The following TMEM169 variants were observed in gnomAD, a reference collection of about 807,000 sequenced individuals.
TMEM169 encodes transmembrane protein 169.
Under a neutral mutation model 27.3 loss-of-function variants are expected in TMEM169, and 18 were observed. The ratio of observed to expected loss-of-function variants is 0.66; its 90% CI spans 0.46 to 0.98. The LOEUF is 0.98. Ranked by LOEUF, TMEM169 falls within the 50% of genes least tolerant of loss-of-function variation. TMEM169 has a pLI of 0.00. For synonymous variants in TMEM169, 136 were observed against 142.1 expected, an observed-to-expected ratio of 0.96 and a Z score of 0.30; for missense variants, 320 against 368.6, an observed-to-expected ratio of 0.87 and a Z score of 1.08.
intron 1 of TMEM169, among the ~76,000 whole-genome samples, chr2:216,086,726 A>G (rs908504637): frequency 6.6e-6 from 1 of 152,164 alleles, no homozygotes; most frequent in African/African-American, 2.4e-5. Context: ...GGGTTTTCCC[A>G]TTGGTGGTTA....
In TMEM169 at chr2:216,101,242, T is replaced by C. The variant is rs1696388391; in HGVS notation, c.*700T>C. 6.5e-6 allele frequency: 1 copy of C among 153,500 alleles called. No individual in the cohort carries two copies. The highest frequency in any genetic ancestry group is 1.4e-5 in the Non-Finnish European group (1 of 68,984). The allele number at this position is 153,500 out of a possible 1,614,324, so 9.5% of individuals were successfully genotyped here. A position where few individuals can be genotyped will look rare whatever the true frequency, so the allele number is the denominator to read the frequency against. Reference sequence around the variant, plus strand: ...TCTTCAGCCATCACATCCATGTTTCTGATAAAATAGAGGAAAGGGCAGAGA... The same window carrying C: ...TCTTCAGCCATCACATCCATGTTTCCGATAAAATAGAGGAAAGGGCAGAGA... On this transcript the variant is annotated 3_prime_UTR_variant, in exon 3 of 3. Coordinates refer to ENST00000437356, the MANE Select transcript of TMEM169 (RefSeq NM_001142311.2).
chr2:216,098,094 T>C (rs75448123), intron 2 of TMEM169, among the ~76,000 whole-genome samples: 4,555 of 152,044 alleles, frequency 0.03, 103 homozygotes, highest in Non-Finnish European at 0.041. Flanking sequence ...GGCTGGATCA[T>C]GGTGGCCCTT....
Position 216,099,878 on chromosome 2 carries a change from C to A in TMEM169, c.272-42C>A. 1 of 1,571,102 alleles carries A rather than the reference C, an allele frequency of 6.4e-7. No individual in the cohort carries two copies. Among genetic ancestry groups the A allele is most frequent in the South Asian group, 1.2e-5 (1 of 82,172 alleles). On this transcript the variant is annotated intron_variant, in intron 2 of 2. Coordinates refer to ENST00000437356, the MANE Select transcript of TMEM169 (RefSeq NM_001142311.2). This position sits in a 1 kb window ranked among gnomAD's most constrained non-coding sequence, Gnocchi z 5.0. ...GGGTGCAACATGGAGATGCAATGCCCACTCTTCTGATCTTGACTCTCACCT... is the reference window on the plus strand; with the variant it reads ...GGGTGCAACATGGAGATGCAATGCCAACTCTTCTGATCTTGACTCTCACCT...
chr2:216,096,374 AT>A, intron 2 of TMEM169, 140 bp downstream of exon 2: 1 of 1,071,758 alleles, frequency 9.3e-7, no homozygotes, highest in Non-Finnish European at 1.3e-6. Context: ...CCTTTTATTT[AT>A]TTATTTTGAG....
chr2:216,086,246 G>C (rs1191436255), intron 1 of TMEM169, among the ~76,000 whole-genome samples: 1 of 152,036 alleles, frequency 6.6e-6, no homozygotes, highest in Non-Finnish European at 1.5e-5. Context: ...TGTATTTTTA[G>C]TAGAGGGGGT....
intron 1 of TMEM169, among the ~76,000 whole-genome samples, chr2:216,084,915 A>C (rs933472926): frequency 6.6e-6 from 1 of 152,222 alleles, no homozygotes; most frequent in African/African-American, 2.4e-5. Context: ...CTTAGGCCAC[A>C]TGGACTTCCA....
intron 1 of TMEM169, among the ~76,000 whole-genome samples, chr2:216,090,639 C>CA (rs1344341929): frequency 3.9e-5 from 6 of 152,066 alleles, no homozygotes; most frequent in African/African-American, 7.2e-5. Context: ...ACCATAAAAA[C>CA]AAAAAAACAC....
At chr2:216,086,245 A>G (rs1370438113) in intron 1 of TMEM169, among the ~76,000 whole-genome samples, 1 of 151,952 alleles carries the variant, frequency 6.6e-6, no homozygotes, top group African/African-American at 2.4e-5. Flanking sequence ...TTGTATTTTT[A>G]GTAGAGGGGG....
In TMEM169 at chr2:216,099,773, G is replaced by A. The variant is rs1178135043; in HGVS notation, c.272-147G>A. On this transcript the variant is annotated intron_variant, in intron 2 of 2. Transcript: ENST00000437356. This position sits in a 1 kb window ranked among gnomAD's most constrained non-coding sequence, Gnocchi z 5.0. ...CACTCTCCCGAGGGAGACCCACTCA[G>A]TCCGCCATTGAATCACTGACTCAGG... 1 of 1,091,296 alleles carries A rather than the reference G, an allele frequency of 9.2e-7. No individual in the cohort carries two copies. The highest frequency in any genetic ancestry group is 1.3e-6 in the Non-Finnish European group (1 of 760,068). 67.6% of individuals were successfully genotyped at this position (1,091,296 alleles called of 1,614,324 possible).
At position 216,096,168 on chromosome 2, in the gene TMEM169, T is replaced by A; in HGVS notation, c.205T>A (p.Ser69Thr). Residue 69 changes from serine to threonine, a missense_variant, in exon 2 of 3, where the codon TCA (serine) becomes ACA (threonine). Coordinates refer to ENST00000437356, the MANE Select transcript of TMEM169 (RefSeq NM_001142311.2). ...GAAAACAGATGAGGAGCCCGGAGAA[T>A]CAGAAGGTGGAGATCAGCCTAAAGA... ...NEKTDEEPGESEGGDQPKEEE... is the reference protein window; with the variant it reads ...NEKTDEEPGETEGGDQPKEEE... 6.2e-7 allele frequency: 1 copy of A among 1,614,066 alleles called. No homozygotes were observed. The highest frequency in any genetic ancestry group is 8.5e-7 in the Non-Finnish European group (1 of 1,180,008).
At chr2:216,098,821 G>GGT (rs942038447) in intron 2 of TMEM169, among the ~76,000 whole-genome samples, 1 of 151,028 alleles carries the variant, frequency 6.6e-6, no homozygotes, top group African/African-American at 2.4e-5. Flanking sequence ...TGTAATGTGT[G>GGT]GTGTGTGTGT....
chr2:216,098,921 G>A (rs1696322891), intron 2 of TMEM169, among the ~76,000 whole-genome samples: 1 of 151,710 alleles, frequency 6.6e-6, no homozygotes, highest in African/African-American at 2.4e-5. Context: ...TGGTATGTAT[G>A]GGTATGTGGT....
chr2:216,098,000 A>G (rs1395141988), intron 2 of TMEM169, among the ~76,000 whole-genome samples: 1 of 152,140 alleles, frequency 6.6e-6, no homozygotes, highest in Non-Finnish European at 1.5e-5. Context: ...GCTTTGGCCC[A>G]TTTATGGAAA....
Position 216,100,716 on chromosome 2 carries a change from A to C in TMEM169, c.*174A>C. ...GTTCCAGGAGGGCATGGAGCAGACA[A>C]GCAATTGTGCCAAAGCAGTTCACCC... On this transcript the variant is annotated 3_prime_UTR_variant, in exon 3 of 3. Coordinates refer to ENST00000437356, the MANE Select transcript of TMEM169 (RefSeq NM_001142311.2). 1 of 839,854 alleles carries C rather than the reference A, an allele frequency of 1.2e-6. No homozygotes were observed. The highest frequency in any genetic ancestry group is 1.8e-6 in the Non-Finnish European group (1 of 551,990). 52.0% of individuals were successfully genotyped at this position (839,854 alleles called of 1,614,324 possible).
chr2:216,087,713 A>G (rs528081424), intron 1 of TMEM169, among the ~76,000 whole-genome samples: 1 of 152,356 alleles, frequency 6.6e-6, no homozygotes, highest in Admixed American at 6.5e-5. Flanking sequence ...AAAGGTACCT[A>G]CTTCACTGGT....
intron 1 of TMEM169, 30 bp from the exon 2 acceptor site, chr2:216,095,808 T>C: frequency 1.2e-6 from 1 of 825,660 alleles, no homozygotes; most frequent in East Asian, 2.6e-5. Flanking sequence ...ATTTGCTTCC[T>C]GTTGATGGCT....
chr2:216,086,414 C>A (rs752028913), intron 1 of TMEM169, among the ~76,000 whole-genome samples: 11 of 152,094 alleles, frequency 7.2e-5, no homozygotes, highest in Non-Finnish European at 1.5e-4. Flanking sequence ...CACAGCTTAA[C>A]TGCCAGAGAA....
intron 2 of TMEM169, among the ~76,000 whole-genome samples, chr2:216,097,651 C>A (rs1696293673): frequency 6.6e-6 from 1 of 151,706 alleles, no homozygotes; most frequent in African/African-American, 2.4e-5. Context: ...ATGGATAGAT[C>A]TCTAAGACAT....
intron 1 of TMEM169, chr2:216,082,902 T>C (rs910506309): frequency 6.6e-6 from 1 of 152,172 alleles, no homozygotes; most frequent in African/African-American, 2.4e-5. Flanking sequence ...TAAAGGCAAA[T>C]AAATGCCATC....
Sources: gnomAD v4.1 joint callset for allele counts (sites outside exome capture counted in the v4.1 genomes callset) on GRCh38, gnomAD v4.1.1 for gene constraint, Gnocchi (gnomAD v3.1) non-coding constraint, MANE v1.5 for transcripts, NCBI Gene and HGNC (gene_info 2026-07-23, HGNC 2026-07-21) for gene names.